ADAMTS12: variants seen among roughly 807,000 people sequenced by gnomAD.
ADAMTS12 encodes A disintegrin and metalloproteinase with thrombospondin motifs 12.
A neutral mutation model predicts 167.8 loss-of-function variants in ADAMTS12; 118 were observed. The ratio of observed to expected loss-of-function variants is 0.70; its 90% CI spans 0.61 to 0.82. The LOEUF is 0.82. Among genes scored for constraint, ADAMTS12 ranks in the 40% least tolerant of loss-of-function variants. ADAMTS12 has a pLI of 0.00. For synonymous variants in ADAMTS12, 704 were observed against 716.9 expected (o/e 0.98, Z 0.29); for missense variants, 1,916 against 1,998.8 (o/e 0.96, Z 0.79).
intron 2 of ADAMTS12, among the ~76,000 whole-genome samples, chr5:33,770,432 C>T (rs935774133): frequency 4.6e-5 from 7 of 152,108 alleles, no homozygotes; most frequent in Non-Finnish European, 8.8e-5. Context: ...TCAGCTCCTC[C>T]GAGGACAGAG....
At chr5:33,550,018 C>T (rs1745176963) in intron 20 of ADAMTS12, among the ~76,000 whole-genome samples, 1 of 152,214 alleles carries the variant, frequency 6.6e-6, no homozygotes, top group Non-Finnish European at 1.5e-5. Flanking sequence ...CCTCCTGCAG[C>T]ACCATCACGT....
intron 2 of ADAMTS12, among the ~76,000 whole-genome samples, chr5:33,877,817 T>C (rs1750285578): frequency 6.6e-6 from 1 of 152,168 alleles, no homozygotes; most frequent in African/African-American, 2.4e-5. Flanking sequence ...CATCTGAGTC[T>C]GCTCCAGAGG....
intron 18 of ADAMTS12, 24 bp from the exon 19 acceptor site, chr5:33,577,184 G>C (rs760273828): frequency 1.1e-5 from 17 of 1,613,710 alleles, no homozygotes; most frequent in Non-Finnish European, 1.4e-5. Context: ...ACAGCTGTTA[G>C]CCTGGCGAGA....
intron 7 of ADAMTS12, among the ~76,000 whole-genome samples, chr5:33,652,898 G>C (rs987369820): frequency 3.3e-5 from 5 of 151,984 alleles, no homozygotes; most frequent in African/African-American, 9.7e-5. Flanking sequence ...TATTTCTGTA[G>C]ACTTAGTCAA....
intron 3 of ADAMTS12, among the ~76,000 whole-genome samples, chr5:33,746,534 C>A (rs1358788983): frequency 6.6e-6 from 1 of 152,118 alleles, no homozygotes; most frequent in Non-Finnish European, 1.5e-5. Flanking sequence ...TCTTAAACAT[C>A]CTCCAGTATT....
chr5:33,604,978 G>A (rs892750426), intron 16 of ADAMTS12, among the ~76,000 whole-genome samples: 2 of 152,176 alleles, frequency 1.3e-5, no homozygotes, highest in African/African-American at 2.4e-5. Context: ...AAATTTGATA[G>A]GGCACTCTGA....
At chr5:33,632,262 A>AGGGTGAGG (rs1739978711) in intron 12 of ADAMTS12, among the ~76,000 whole-genome samples, 1 of 152,084 alleles carries the variant, frequency 6.6e-6, no homozygotes, top group Admixed American at 6.6e-5. Context: ...GGGTGGAAGG[A>AGGGTGAGG]GTTTGAGGGT....
chr5:33,756,264 ACAGAGCCCTTCCC>A (rs1390372761), intron 2 of ADAMTS12, among the ~76,000 whole-genome samples: 10 of 152,364 alleles, frequency 6.6e-5, no homozygotes, highest in Admixed American at 6.5e-4. Flanking sequence ...GTCCTGTGTC[ACAGAGCCCTTCCC>A]CACAGAACAC....
intron 2 of ADAMTS12, among the ~76,000 whole-genome samples, chr5:33,837,103 C>A (rs960721938): frequency 2.1e-4 from 32 of 152,246 alleles, no homozygotes; most frequent in Non-Finnish European, 1.0e-4. Flanking sequence ...GCACACCAGA[C>A]AAGCCCCACT....
chr5:33,649,703 A>C lies in ADAMTS12; in HGVS notation c.1191-6T>G. On this transcript the variant is annotated splice_region_variant and splice_polypyrimidine_tract_variant and intron_variant, in intron 7 of 23. Coordinates refer to ENST00000504830, the MANE Select transcript of ADAMTS12 (RefSeq NM_030955.4). Reference sequence around the variant, plus strand: ...CATCATGCTGGATGCCGAAGCTGGCAGGGAAGAACCAAGCACAAGAAGAGC... The same window carrying C: ...CATCATGCTGGATGCCGAAGCTGGCCGGGAAGAACCAAGCACAAGAAGAGC... The C allele has an allele frequency of 6.2e-7, 1 of 1,613,390 alleles. No homozygotes were observed. Among genetic ancestry groups the C allele is most frequent in the African/African-American group, 1.3e-5 (1 of 75,040 alleles).
At position 33,546,132 on chromosome 5, in the gene ADAMTS12, G is replaced by T. The variant is rs76061577; in HGVS notation, c.4373C>A (p.Thr1458Lys). 6.2e-7 allele frequency: 1 copy of T among 1,613,754 alleles called. No individual in the cohort carries two copies. The highest frequency in any genetic ancestry group is 8.5e-7 in the Non-Finnish European group (1 of 1,179,932). The part of the protein sequence containing the change: ...VFCPGGLCDW[T>K]KRPTSTMSCN... ...AGACATGGTGGATGTGGGTCTTTTT[G>T]TCCAATCACAGAGGCCTCCTGGACA... Residue 1458 changes from threonine (T) to lysine (K), a missense_variant, in exon 22 of 24, where the codon ACA (threonine) becomes AAA (lysine). Coordinates refer to ENST00000504830, the MANE Select transcript of ADAMTS12 (RefSeq NM_030955.4).
chr5:33,811,646 G>A (rs1429900805), intron 2 of ADAMTS12, among the ~76,000 whole-genome samples: 3 of 152,318 alleles, frequency 2.0e-5, no homozygotes, highest in Admixed American at 6.5e-5. Context: ...GGCCCCATAC[G>A]TTGCAGTAAG....
rs1742232392 is a variant in ADAMTS12 at position 33,684,032 on chromosome 5, G to T, written c.658C>A (p.Gln220Lys). 1 of 1,601,636 alleles carries T rather than the reference G, an allele frequency of 6.2e-7. No homozygotes were observed. The highest frequency in any genetic ancestry group is 8.5e-7 in the Non-Finnish European group (1 of 1,174,050). The change falls in exon 4 of 24, where the codon CAA becomes AAA. Residue 220 changes from glutamine (Q) to lysine (K), a missense_variant. Gln to Lys is a moderately conservative substitution (Grantham distance 53, BLOSUM62 1). Transcript: ENST00000504830. ...LKDSVNISQK[Q>K]ELWREKWERH... is the part of the protein sequence containing the mutation. Reference sequence around the variant, plus strand: ...TCCCACTTCTCCCGCCATAGCTCTTGCTTCTGGGAGATGTTAACACTGTCT... The same window carrying T: ...TCCCACTTCTCCCGCCATAGCTCTTTCTTCTGGGAGATGTTAACACTGTCT...
chr5:33,874,792 G>A (rs1468499706), intron 2 of ADAMTS12, among the ~76,000 whole-genome samples: 1 of 152,180 alleles, frequency 6.6e-6, no homozygotes, highest in Non-Finnish European at 1.5e-5. Flanking sequence ...TCAGGGGGCT[G>A]GGTGCAGTGG....
chr5:33,569,299 G>T (rs984586435), intron 19 of ADAMTS12, among the ~76,000 whole-genome samples: 2 of 152,300 alleles, frequency 1.3e-5, no homozygotes, highest in South Asian at 4.1e-4. Flanking sequence ...CTCCTCAAGT[G>T]GGTCCCTGAC....
intron 2 of ADAMTS12, among the ~76,000 whole-genome samples, chr5:33,755,447 G>C (rs1366557996): frequency 6.6e-6 from 1 of 152,204 alleles, no homozygotes; most frequent in Non-Finnish European, 1.5e-5. Context: ...GTCCCAGAGT[G>C]AGAAGAGTTG....
At chr5:33,848,153 G>A (rs1395785172) in intron 2 of ADAMTS12, among the ~76,000 whole-genome samples, 1 of 151,694 alleles carries the variant, frequency 6.6e-6, no homozygotes. Context: ...GGAGGCGGAG[G>A]TTGCAATGAG....
chr5:33,552,282 T>C (rs1745281631), intron 20 of ADAMTS12, among the ~76,000 whole-genome samples: 2 of 152,234 alleles, frequency 1.3e-5, no homozygotes, highest in East Asian at 1.9e-4. Flanking sequence ...AAACACAGGA[T>C]TGGGGGACTA....
chr5:33,680,207 A>G (rs2112255330), intron 5 of ADAMTS12, among the ~76,000 whole-genome samples: 1 of 152,294 alleles, frequency 6.6e-6, no homozygotes, highest in East Asian at 1.9e-4. Context: ...CATTTGCAAA[A>G]CCAGGTTGGT....
Sources: allele counts gnomAD v4.1 joint callset (sites outside exome capture counted in the v4.1 genomes callset), GRCh38; gene constraint gnomAD v4.1.1; transcripts MANE v1.5; gene names NCBI Gene and HGNC (gene_info 2026-07-23, HGNC 2026-07-21).